The following ATP6V0A4 variants were observed in gnomAD, a reference collection of about 807,000 sequenced individuals.
ATP6V0A4 encodes ATPase H+ transporting V0 subunit a4.
A neutral mutation model predicts 107.3 loss-of-function variants in ATP6V0A4; 86 were observed. The ratio of observed to expected loss-of-function variants is 0.80; its 90% CI spans 0.67 to 0.96. The LOEUF (loss-of-function observed/expected upper bound fraction) is 0.96, where lower values mean the gene tolerates loss of function less well. Among genes scored for constraint, ATP6V0A4 ranks in the 40% least tolerant of loss-of-function variants. The pLI is 0.00. For synonymous variants in ATP6V0A4, 353 were observed against 381.4 expected, an observed-to-expected ratio of 0.93 and a Z score of 0.87; for missense variants, 908 against 1,045.6, an observed-to-expected ratio of 0.87 and a Z score of 1.81.
chr7:138,728,736 G>T, intron 18 of ATP6V0A4, 25 bp downstream of exon 18: 1 of 1,613,970 alleles, frequency 6.2e-7, no homozygotes, highest in Non-Finnish European at 8.5e-7. Context: ...GCAAAGTAGG[G>T]TGAACTGAAA....
chr7:138,760,037 AC>A (rs1377343145), intron 7 of ATP6V0A4, 159 bp from the exon 8 acceptor site: 2 of 774,560 alleles, frequency 2.6e-6, no homozygotes, highest in African/African-American at 3.8e-5. Flanking sequence ...TCCCAAGGCC[AC>A]CCCGCATCCA....
At chr7:138,757,360 A>G (rs879907254) in intron 8 of ATP6V0A4, among the ~76,000 whole-genome samples, 5 of 152,148 alleles carry the variant, frequency 3.3e-5, no homozygotes, top group African/African-American at 1.2e-4. Context: ...TACAAAAAAT[A>G]CAAGAATTAG....
At chr7:138,745,020 GC>G in intron 14 of ATP6V0A4, 102 bp downstream of exon 14, 1 of 1,077,216 alleles carries the variant, frequency 9.3e-7, no homozygotes. Flanking sequence ...ATTTTCAAGT[GC>G]ACCTCTGAGT....
At chr7:138,793,816 A>T (rs1808534345) in intron 1 of ATP6V0A4, among the ~76,000 whole-genome samples, 1 of 152,208 alleles carries the variant, frequency 6.6e-6, no homozygotes, top group African/African-American at 2.4e-5. Flanking sequence ...GCCAAGAGGA[A>T]GGACCTCCTT....
chr7:138,753,158 A>T (rs1190043871), intron 10 of ATP6V0A4, among the ~76,000 whole-genome samples: 1 of 152,190 alleles, frequency 6.6e-6, no homozygotes, highest in Non-Finnish European at 1.5e-5. Context: ...GTCTTTGCAG[A>T]TGGAATCAGG....
At chr7:138,716,809 C>T (rs1804064723) in intron 19 of ATP6V0A4, among the ~76,000 whole-genome samples, 1 of 152,174 alleles carries the variant, frequency 6.6e-6, no homozygotes, top group Non-Finnish European at 1.5e-5. Context: ...AGCAATCTGC[C>T]TGCCTCAGCC....
chr7:138,721,172 C>T (rs544307616), intron 19 of ATP6V0A4, among the ~76,000 whole-genome samples: 11 of 152,264 alleles, frequency 7.2e-5, no homozygotes, highest in South Asian at 4.2e-4. Context: ...TGTCCTTGCA[C>T]AGGCAGGGGC....
intron 1 of ATP6V0A4, among the ~76,000 whole-genome samples, chr7:138,796,416 C>A (rs1204628301): frequency 6.6e-6 from 1 of 152,176 alleles, no homozygotes; most frequent in Non-Finnish European, 1.5e-5. Flanking sequence ...GGCTGTTACA[C>A]TCCACTAGGA....
chr7:138,720,040 AAAC>A (rs1170882416), intron 19 of ATP6V0A4, among the ~76,000 whole-genome samples: 3 of 151,898 alleles, frequency 2.0e-5, no homozygotes, highest in Non-Finnish European at 4.4e-5. Flanking sequence ...AAAAAAACAA[AAAC>A]AACTGTCAGC....
At position 138,711,290 on chromosome 7, in the gene ATP6V0A4, G is replaced by A. The variant is rs541334661; in HGVS notation, c.2258-1495C>T. On this transcript the variant is annotated intron_variant, in intron 20 of 21. Coordinates refer to ENST00000310018, the MANE Select transcript of ATP6V0A4 (RefSeq NM_020632.3). The stretch of plus-strand genomic sequence containing the variant: ...AAAACCCGGACTCGTAGCTGAGCCC[G>A]TGTCCCCAGCTAACTGCCCTACAAG... 3.9e-5 allele frequency among the ~76,000 whole-genome samples: 6 copies of A among 152,280 alleles called. No homozygotes were observed. The South Asian group carries it at 6.2e-4, about 16-fold the overall frequency.
intron 11 of ATP6V0A4, among the ~76,000 whole-genome samples, chr7:138,750,631 G>T (rs945100353): frequency 6.6e-6 from 1 of 152,204 alleles, no homozygotes; most frequent in South Asian, 2.1e-4. Flanking sequence ...GAGTGCTCAC[G>T]GTCCCAGCTT....
chr7:138,720,739 T>C (rs1244315592), intron 19 of ATP6V0A4, among the ~76,000 whole-genome samples: 3 of 151,864 alleles, frequency 2.0e-5, no homozygotes, highest in Non-Finnish European at 4.4e-5. Context: ...CAGGTTCAAG[T>C]GATTCTCCTG....
intron 2 of ATP6V0A4, among the ~76,000 whole-genome samples, chr7:138,780,817 A>T (rs892541074): frequency 6.6e-6 from 1 of 152,068 alleles, no homozygotes; most frequent in Non-Finnish European, 1.5e-5. Flanking sequence ...AGGTGAGAGG[A>T]TCACTTGATC....
At chr7:138,755,587 A>T in intron 10 of ATP6V0A4, 102 bp downstream of exon 10, 1 of 1,497,454 alleles carries the variant, frequency 6.7e-7, no homozygotes, top group Non-Finnish European at 9.1e-7. Context: ...CATTCCAGCC[A>T]GCCTCCCAGC....
chr7:138,769,410 G>A (rs1190054358), intron 3 of ATP6V0A4, 159 bp from the exon 4 acceptor site: 2 of 747,412 alleles, frequency 2.7e-6, no homozygotes, highest in Non-Finnish European at 1.6e-6. Flanking sequence ...CACCTCCTGG[G>A]TTCAAGTGAT....
intron 4 of ATP6V0A4, 79 bp from the exon 5 acceptor site, chr7:138,768,953 G>A: frequency 1.3e-6 from 2 of 1,593,578 alleles, no homozygotes; most frequent in Non-Finnish European, 1.7e-6. Context: ...AGCAAGACAT[G>A]TGCCTTTCAC....
intron 2 of ATP6V0A4, among the ~76,000 whole-genome samples, chr7:138,779,115 T>G (rs1471650884): frequency 6.6e-6 from 1 of 152,080 alleles, no homozygotes; most frequent in Middle Eastern, 3.4e-3. Context: ...CCAAGACAGG[T>G]GGATTGCTTG....
chr7:138,764,421 G>C (rs980419889), intron 5 of ATP6V0A4, among the ~76,000 whole-genome samples: 1 of 152,038 alleles, frequency 6.6e-6, no homozygotes, highest in African/African-American at 2.4e-5. Context: ...CACTGAAACA[G>C]ACAGGAGTGA....
At chr7:138,768,085 C>A (rs1024251036) in intron 5 of ATP6V0A4, among the ~76,000 whole-genome samples, 8 of 152,134 alleles carry the variant, frequency 5.3e-5, no homozygotes, top group Non-Finnish European at 1.0e-4. Context: ...AGGCACCTAC[C>A]ACCACCCCCG....
Sources: allele counts gnomAD v4.1 joint callset (sites outside exome capture counted in the v4.1 genomes callset), GRCh38; gene constraint gnomAD v4.1.1; transcripts MANE v1.5; gene names NCBI Gene and HGNC (gene_info 2026-07-23, HGNC 2026-07-21).